Variants in WNT3 observed in about 807,000 individuals in gnomAD.
The protein encoded by WNT3 is Wnt family member 3.
Under a neutral mutation model 34.2 loss-of-function variants are expected in WNT3, and 7 were observed. The ratio of observed to expected loss-of-function variants is 0.20; its 90% CI spans 0.12 to 0.38. WNT3 has a LOEUF of 0.38. Ranked by LOEUF, WNT3 falls within the 10% of genes least tolerant of loss-of-function variation. The pLI is 1.00. For synonymous variants in WNT3, 212 were observed against 211.5 expected (o/e 1.00, Z -0.02); for missense variants, 267 against 499.8 (o/e 0.53, Z 4.44).
intron 1 of WNT3, among the ~76,000 whole-genome samples, chr17:46,777,703 G>C (rs1031280869): frequency 6.6e-6 from 1 of 152,212 alleles, no homozygotes; most frequent in Non-Finnish European, 1.5e-5. Flanking sequence ...AACAACTCTG[G>C]GAGGTGGGCA....
At chr17:46,772,789 C>T (rs1422233442) in intron 2 of WNT3, among the ~76,000 whole-genome samples, 2 of 151,236 alleles carry the variant, frequency 1.3e-5, no homozygotes, top group Non-Finnish European at 2.9e-5. Flanking sequence ...CAGCACCCCA[C>T]CCCTTCACCT....
At position 46,818,610 on chromosome 17, in the gene WNT3, C is replaced by G. The variant is rs1568101982; in HGVS notation, c.-13G>C. 2 of 1,587,580 alleles carry G rather than the reference C, an allele frequency of 1.3e-6. No homozygotes were observed. The highest frequency in any genetic ancestry group is 1.7e-6 in the Non-Finnish European group (2 of 1,167,032). ...GGTGGGGCTCCATTAGAAGAGGCGC[C>G]GAGGAGGAAGTTTGCCCGCGACCAT... On this transcript the variant is annotated 5_prime_UTR_variant, in exon 1 of 5. Transcript: ENST00000225512.
In WNT3 at chr17:46,777,723, C is replaced by T. The variant is rs1193943903; in HGVS notation, c.81-3814G>A. Reference sequence around the variant, plus strand: ...CTCTGGGAGGTGGGCATTGTTATCCCCATTTTGCAGATGAGGAAACTGAGG... The same window carrying T: ...CTCTGGGAGGTGGGCATTGTTATCCTCATTTTGCAGATGAGGAAACTGAGG... On this transcript the variant is annotated intron_variant, in intron 1 of 4. Coordinates refer to ENST00000225512, the MANE Select transcript of WNT3 (RefSeq NM_030753.5). Among the ~76,000 whole-genome samples, 4 of 152,334 alleles carry T rather than the reference C, an allele frequency of 2.6e-5. No homozygotes were observed. In the East Asian group the frequency reaches 7.7e-4, roughly 29 times the overall value.
intron 1 of WNT3, among the ~76,000 whole-genome samples, chr17:46,807,206 G>A (rs1415887058): frequency 6.6e-6 from 1 of 152,220 alleles, no homozygotes; most frequent in East Asian, 1.9e-4. Context: ...AAGAAGGCCG[G>A]GCCTGGTGGC....
At chr17:46,792,089 C>T (rs1366514741) in intron 1 of WNT3, among the ~76,000 whole-genome samples, 3 of 152,160 alleles carry the variant, frequency 2.0e-5, no homozygotes, top group Non-Finnish European at 1.5e-5. Context: ...ATAGAAATAG[C>T]GAACATTTAA....
chr17:46,799,413 G>T (rs2084095583), intron 1 of WNT3, among the ~76,000 whole-genome samples: 1 of 149,882 alleles, frequency 6.7e-6, no homozygotes. Context: ...CATCTTTAAT[G>T]ATTCACCTTC....
At chr17:46,786,219 A>C (rs376847205) in intron 1 of WNT3, among the ~76,000 whole-genome samples, 25 of 152,030 alleles carry the variant, frequency 1.6e-4, no homozygotes, top group East Asian at 1.2e-3. Flanking sequence ...TGGAAACAGG[A>C]GGGAAGAGGG....
chr17:46,810,089 C>T (rs138241698), intron 1 of WNT3, among the ~76,000 whole-genome samples: 303 of 151,062 alleles, frequency 2.0e-3, no homozygotes, highest in African/African-American at 7.0e-3. Flanking sequence ...TCACTGCAAC[C>T]TCCGCCTCCC....
Position 46,766,035 on chromosome 17 carries a change from A to G in WNT3, c.*9-1414T>C, listed in dbSNP as rs559710802. 5.9e-5 allele frequency among the ~76,000 whole-genome samples: 9 copies of G among 152,238 alleles called. No individual in the cohort carries two copies. The East Asian group carries it at 1.7e-3, about 29-fold the overall frequency. On this transcript the variant is annotated intron_variant, in intron 4 of 4. Transcript: ENST00000225512. ...GACACAGCATCTTGAAACCATATCT[A>G]TGTAGCACTTTACATAAGATTGAGG...
chr17:46,782,759 C>T (rs1359702396), intron 1 of WNT3, among the ~76,000 whole-genome samples: 3 of 152,316 alleles, frequency 2.0e-5, no homozygotes, highest in South Asian at 2.1e-4. Flanking sequence ...GGACTGGAGC[C>T]GCTCACCTGG....
intron 2 of WNT3, among the ~76,000 whole-genome samples, chr17:46,771,331 G>A (rs924286463): frequency 4.6e-5 from 7 of 151,818 alleles, no homozygotes; most frequent in Admixed American, 3.3e-4. Context: ...CCGCTCACTC[G>A]CCCCAATCCT....
At chr17:46,786,290 G>T (rs1374913182) in intron 1 of WNT3, among the ~76,000 whole-genome samples, 1 of 152,118 alleles carries the variant, frequency 6.6e-6, no homozygotes, top group African/African-American at 2.4e-5. Context: ...GCGGGGGATG[G>T]AGGGGTCCTG....
chr17:46,794,487 T>G (rs182678204), intron 1 of WNT3, among the ~76,000 whole-genome samples: 28 of 152,318 alleles, frequency 1.8e-4, no homozygotes, highest in Admixed American at 1.8e-3. Context: ...GCCATCTCAC[T>G]GGGCTGAGGA....
rs566380472 is a variant in WNT3 at position 46,791,773 on chromosome 17, C to T, written c.81-17864G>A. Among the ~76,000 whole-genome samples the T allele has an allele frequency of 4.2e-4, 64 of 152,290 alleles. 1 individual carries two copies. The South Asian group carries it at 0.01, about 24-fold the overall frequency. On this transcript the variant is annotated intron_variant, in intron 1 of 4. Transcript: ENST00000225512. Reference sequence around the variant, plus strand: ...AAAATCTCTCTCTCTGGCATGGTGGCGCATGCCTATAATCACAGCACTTCA... The same window carrying T: ...AAAATCTCTCTCTCTGGCATGGTGGTGCATGCCTATAATCACAGCACTTCA...
chr17:46,804,024 T>C (rs2146448372), intron 1 of WNT3, among the ~76,000 whole-genome samples: 1 of 152,258 alleles, frequency 6.6e-6, no homozygotes, highest in Admixed American at 6.5e-5. Flanking sequence ...TCCTTGCACC[T>C]GCATTGACCT....
chr17:46,797,453 C>T (rs568110090), intron 1 of WNT3, among the ~76,000 whole-genome samples: 247 of 152,266 alleles, frequency 1.6e-3, no homozygotes, highest in Non-Finnish European at 3.0e-3. Flanking sequence ...GAGAGAAAGA[C>T]GGTGAAGGCC....
At chr17:46,786,081 C>G (rs1231683302) in intron 1 of WNT3, among the ~76,000 whole-genome samples, 1 of 106,168 alleles carries the variant, frequency 9.4e-6, no homozygotes, top group East Asian at 3.1e-4. Context: ...CCCTTCATTT[C>G]ACAGGAAAGT....
At chr17:46,793,272 TAAAAAAAAAA>T (rs71138551) in intron 1 of WNT3, among the ~76,000 whole-genome samples, 8 of 41,970 alleles carry the variant, frequency 1.9e-4, no homozygotes, top group Admixed American at 4.2e-4. Context: ...AGACCCTGTC[TAAAAAAAAAA>T]AAAAAAAAAA....
At chr17:46,793,014 C>G (rs897339879) in intron 1 of WNT3, among the ~76,000 whole-genome samples, 1 of 151,746 alleles carries the variant, frequency 6.6e-6, no homozygotes, top group South Asian at 2.1e-4. Context: ...CCTGTAAACC[C>G]GGCACTTTGA....
Sources: allele counts gnomAD v4.1 joint callset (sites outside exome capture counted in the v4.1 genomes callset), GRCh38; gene constraint gnomAD v4.1.1; transcripts MANE v1.5; gene names NCBI Gene and HGNC (gene_info 2026-07-23, HGNC 2026-07-21).